Variants in LIMCH1 observed in about 807,000 individuals in gnomAD.
The protein encoded by LIMCH1 is LIM and calponin homology domains-containing protein 1.
In LIMCH1, 113 loss-of-function variants were observed where a neutral mutation model predicts 176.5. The observed-to-expected ratio is 0.64, with a 90% CI of 0.55 to 0.75. The LOEUF is 0.75. LIMCH1 is among the 30% of genes least tolerant of loss of function. The pLI is 0.00. For synonymous variants in LIMCH1, 619 were observed against 645.9 expected, an observed-to-expected ratio of 0.96 and a Z score of 0.63; for missense variants, 1,674 against 1,814.9, an observed-to-expected ratio of 0.92 and a Z score of 1.41.
At chr4:41,395,340 C>T (rs1193896965) in intron 1 of LIMCH1, among the ~76,000 whole-genome samples, 1 of 149,234 alleles carries the variant, frequency 6.7e-6, no homozygotes, top group East Asian at 2.0e-4. Context: ...TCAAGCAGTT[C>T]TCCTGTCTCA....
chr4:41,470,471 T>A (rs2154158931), intron 1 of LIMCH1, among the ~76,000 whole-genome samples: 1 of 152,320 alleles, frequency 6.6e-6, no homozygotes, highest in South Asian at 2.1e-4. Flanking sequence ...GGGTCATTCC[T>A]TTAGTATGTG....
At chr4:41,512,705 A>G (rs1392030647) in intron 2 of LIMCH1, among the ~76,000 whole-genome samples, 2 of 152,214 alleles carry the variant, frequency 1.3e-5, no homozygotes, top group African/African-American at 4.8e-5. Flanking sequence ...AGGCAAATCT[A>G]TAGAGACAGA....
chr4:41,569,392 T>C (rs1168066968), intron 1 of LIMCH1, among the ~76,000 whole-genome samples: 1 of 152,154 alleles, frequency 6.6e-6, no homozygotes, highest in African/African-American at 2.4e-5. Context: ...AGTGCACATT[T>C]TGCCCGAAGT....
intron 2 of LIMCH1, among the ~76,000 whole-genome samples, chr4:41,522,909 T>C (rs7674935): frequency 0.44 from 66,600 of 152,002 alleles, 18,628 homozygotes; most frequent in African/African-American, 0.8. Context: ...AAAAAATAAG[T>C]GCATTCATGA....
intron 23 of LIMCH1, among the ~76,000 whole-genome samples, chr4:41,679,434 T>C (rs1713830067): frequency 6.6e-6 from 1 of 152,340 alleles, no homozygotes; most frequent in East Asian, 1.9e-4. Flanking sequence ...GAAGAAGTAC[T>C]CTAATGGACT....
At chr4:41,635,755 A>G (rs1278157179) in intron 13 of LIMCH1, among the ~76,000 whole-genome samples, 2 of 152,222 alleles carry the variant, frequency 1.3e-5, no homozygotes, top group Middle Eastern at 3.2e-3. Context: ...GATGAGCAGT[A>G]AAAACACTTT....
intron 1 of LIMCH1, among the ~76,000 whole-genome samples, chr4:41,444,747 C>T (rs143150958): frequency 1.0e-3 from 152 of 152,318 alleles, no homozygotes; most frequent in African/African-American, 3.4e-3. Context: ...TTCAGTCTTG[C>T]TCAACATTGG....
intron 1 of LIMCH1, among the ~76,000 whole-genome samples, chr4:41,579,483 A>G (rs2085042177): frequency 6.6e-6 from 1 of 152,226 alleles, no homozygotes. Context: ...TGCTTTTCAA[A>G]TGGCACACTG....
At chr4:41,675,474 A>T (rs2095187107) in intron 22 of LIMCH1, among the ~76,000 whole-genome samples, 1 of 133,366 alleles carries the variant, frequency 7.5e-6, no homozygotes, top group East Asian at 2.1e-4. Context: ...TTGCTTTTTC[A>T]ACTTAAGATT....
At chr4:41,518,387 TG>T (rs748733994) in intron 2 of LIMCH1, among the ~76,000 whole-genome samples, 8 of 152,184 alleles carry the variant, frequency 5.3e-5, no homozygotes, top group Non-Finnish European at 8.8e-5. Flanking sequence ...GGTTTTTGTT[TG>T]TTTGTTTGTT....
intron 1 of LIMCH1, chr4:41,389,034 T>A (rs1027212920): frequency 6.6e-6 from 1 of 152,250 alleles, no homozygotes; most frequent in Non-Finnish European, 1.5e-5. Context: ...ACTTTTGTGT[T>A]TTTTGGCTGG....
chr4:41,487,780 G>C (rs1290081744), intron 1 of LIMCH1, among the ~76,000 whole-genome samples: 1 of 149,312 alleles, frequency 6.7e-6, no homozygotes, highest in Non-Finnish European at 1.5e-5. Flanking sequence ...TGCCTCCCTA[G>C]TAGCTGGGAC....
intron 2 of LIMCH1, among the ~76,000 whole-genome samples, chr4:41,503,545 T>A (rs1349368355): frequency 6.6e-6 from 1 of 152,150 alleles, no homozygotes; most frequent in East Asian, 1.9e-4. Context: ...TGTGAAAGGT[T>A]TATTAGGTCT....
chr4:41,571,618 TGG>T (rs1357263590), intron 1 of LIMCH1, among the ~76,000 whole-genome samples: 1 of 152,150 alleles, frequency 6.6e-6, no homozygotes, highest in Non-Finnish European at 1.5e-5. Flanking sequence ...CATGTTCCAC[TGG>T]GTGATCAACA....
intron 1 of LIMCH1, among the ~76,000 whole-genome samples, chr4:41,405,531 T>C (rs969579306): frequency 2.0e-5 from 3 of 152,138 alleles, no homozygotes; most frequent in African/African-American, 7.2e-5. Context: ...TAGTCTGACT[T>C]ATAATGTGGT....
chr4:41,609,183 G>C (rs1338727554), intron 4 of LIMCH1, among the ~76,000 whole-genome samples: 1 of 151,872 alleles, frequency 6.6e-6, no homozygotes, highest in Non-Finnish European at 1.5e-5. Context: ...GCAAGCAGAT[G>C]CAAGATCTCT....
chr4:41,390,271 A>AGAGC (rs1554024883), intron 1 of LIMCH1, among the ~76,000 whole-genome samples: 7 of 150,384 alleles, frequency 4.7e-5, no homozygotes, highest in African/African-American at 1.5e-4. Context: ...AGAGAGAGAG[A>AGAGC]GAGCGAGAGC....
chr4:41,448,815 C>G (rs923766197), intron 1 of LIMCH1, among the ~76,000 whole-genome samples: 1 of 152,036 alleles, frequency 6.6e-6, no homozygotes. Flanking sequence ...TAGGCTGATA[C>G]GGTGGTCTCC....
chr4:41,640,533 C>G (rs558037481), intron 14 of LIMCH1, among the ~76,000 whole-genome samples: 1 of 152,224 alleles, frequency 6.6e-6, no homozygotes, highest in South Asian at 2.1e-4. Flanking sequence ...AAATGCAGCC[C>G]CAGGGACCAA....
Sources: gnomAD v4.1 joint callset for allele counts (sites outside exome capture counted in the v4.1 genomes callset) on GRCh38, gnomAD v4.1.1 for gene constraint, MANE v1.5 for transcripts, NCBI Gene and HGNC (gene_info 2026-07-23, HGNC 2026-07-21) for gene names.